PDS5A: variants seen among roughly 807,000 people sequenced by gnomAD.
PDS5A encodes PDS5 cohesin associated factor A, also known as sister chromatid cohesion protein PDS5 homolog A.
A neutral mutation model predicts 167.1 loss-of-function variants in PDS5A; 42 were observed. The ratio of observed to expected loss-of-function variants is 0.25; its 90% CI spans 0.20 to 0.33. The LOEUF is 0.33. Among genes scored for constraint, PDS5A ranks in the 10% least tolerant of loss-of-function variants. PDS5A has a pLI of 1.00. For missense variants in PDS5A, 1,033 were observed against 1,605.9 expected (o/e 0.64, Z 6.10); for synonymous variants, 553 against 554.6 (o/e 1.00, Z 0.04).
intron 32 of PDS5A, among the ~76,000 whole-genome samples, chr4:39,834,008 T>G (rs1199372543): frequency 1.3e-5 from 2 of 152,034 alleles, no homozygotes; most frequent in Non-Finnish European, 1.5e-5. Flanking sequence ...AGAACTGCAA[T>G]AGGAACTGAA....
In PDS5A at chr4:39,913,716, C is replaced by A. The variant is rs2109691626; in HGVS notation, c.887G>T (p.Gly296Val). Residue 296 changes from glycine to valine, a missense_variant, in exon 9 of 33, where the codon GGA (glycine) becomes GTA (valine). Physicochemically the swap from Gly to Val is moderately radical, Grantham distance 109. Coordinates refer to ENST00000303538, the MANE Select transcript of PDS5A (RefSeq NM_001100399.2). ...QLEFKLKSND[G>V]EERLAVVRLL... ...TCGAACAACAGCTAATCGCTCTTCT[C>A]CATCATTGCTCTAAGAAGGGAAAAC... The A allele has an allele frequency of 6.3e-7, 1 of 1,576,098 alleles. No individual in the cohort carries two copies. The highest frequency in any genetic ancestry group is 8.7e-7 in the Non-Finnish European group (1 of 1,145,612).
At chr4:39,963,694 T>C (rs755241816) in intron 2 of PDS5A, among the ~76,000 whole-genome samples, 6 of 151,794 alleles carry the variant, frequency 4.0e-5, no homozygotes, top group Non-Finnish European at 7.4e-5. Flanking sequence ...TAGCCCAGCA[T>C]GGTGGTGCAT....
intron 7 of PDS5A, 64 bp from the exon 8 acceptor site, chr4:39,917,252 T>A: frequency 9.4e-7 from 1 of 1,061,042 alleles, no homozygotes; most frequent in East Asian, 2.9e-5. Context: ...GATACATTTT[T>A]AATAAACATT....
chr4:39,923,505 C>T (rs1473024692), intron 5 of PDS5A, among the ~76,000 whole-genome samples: 1 of 151,512 alleles, frequency 6.6e-6, no homozygotes, highest in African/African-American at 2.4e-5. Context: ...TAAAAATTGG[C>T]CAGCTGAGTA....
At chr4:39,930,381 C>A (rs929732581) in intron 2 of PDS5A, among the ~76,000 whole-genome samples, 6 of 151,010 alleles carry the variant, frequency 4.0e-5, no homozygotes, top group Admixed American at 3.3e-4. Flanking sequence ...GCATAAGCCA[C>A]CATGCCTGGG....
intron 2 of PDS5A, among the ~76,000 whole-genome samples, chr4:39,955,853 A>G (rs1469025923): frequency 6.6e-6 from 1 of 152,066 alleles, no homozygotes; most frequent in East Asian, 1.9e-4. Flanking sequence ...GGTGGTTCAC[A>G]CCTGTAATCA....
chr4:39,863,008 C>G lies in PDS5A; in HGVS notation c.2832G>C (p.Leu944=), dbSNP rs1719127141. 1 of 1,613,554 alleles carries G rather than the reference C, an allele frequency of 6.2e-7. No individual in the cohort carries two copies. Among genetic ancestry groups the G allele is most frequent in the Non-Finnish European group, 8.5e-7 (1 of 1,179,566 alleles). ...QKLHKALVKL[L]LPLEYMAIFA... The stretch of plus-strand genomic sequence containing the variant: ...AGATCGCCATATACTCCAATGGGAG[C>G]AGTAACTTCACAAGTGCCTTATGCA... The change falls in exon 25 of 33, where the codon CTG becomes CTC. Residue 944 remains leucine (L), a synonymous_variant. Coordinates refer to ENST00000303538, the MANE Select transcript of PDS5A (RefSeq NM_001100399.2).
At chr4:39,970,516 T>C (rs966190828) in intron 2 of PDS5A, among the ~76,000 whole-genome samples, 1 of 151,720 alleles carries the variant, frequency 6.6e-6, no homozygotes, top group Non-Finnish European at 1.5e-5. Flanking sequence ...CACATTTCAC[T>C]GTAATGTCTT....
intron 5 of PDS5A, among the ~76,000 whole-genome samples, chr4:39,923,323 G>C (rs1312116190): frequency 8.3e-6 from 1 of 119,930 alleles, no homozygotes; most frequent in Non-Finnish European, 1.7e-5. Context: ...GTGAGACTTT[G>C]TATCAATTAA....
chr4:39,879,210 G>T (rs1167878939), intron 18 of PDS5A, among the ~76,000 whole-genome samples: 4 of 151,842 alleles, frequency 2.6e-5, no homozygotes, highest in African/African-American at 9.7e-5. Context: ...TCTATCAAGG[G>T]CTGCAGCTGG....
At chr4:39,943,823 C>G (rs1727474301) in intron 2 of PDS5A, among the ~76,000 whole-genome samples, 1 of 149,172 alleles carries the variant, frequency 6.7e-6, no homozygotes, top group African/African-American at 2.5e-5. Context: ...CAAACAACAA[C>G]AACAACAAAA....
chr4:39,889,628 A>C (rs935198049), intron 17 of PDS5A, among the ~76,000 whole-genome samples: 2 of 152,272 alleles, frequency 1.3e-5, no homozygotes, highest in Non-Finnish European at 2.9e-5. Flanking sequence ...TGAAATCATG[A>C]GAATACGTAA....
chr4:39,974,395 A>G, intron 2 of PDS5A: 1 of 373,830 alleles, frequency 2.7e-6, no homozygotes, highest in Non-Finnish European at 5.2e-6. Flanking sequence ...CAATATTCTT[A>G]ATTTGAAAAC....
chr4:39,890,408 A>G (rs1477561241), intron 16 of PDS5A, 44 bp from the exon 17 acceptor site: 2 of 1,052,020 alleles, frequency 1.9e-6, no homozygotes, highest in Non-Finnish European at 1.4e-6. Flanking sequence ...ATTTGCTTTC[A>G]TATTTTTGAA....
chr4:39,888,954 G>A (rs1031084322), intron 17 of PDS5A, among the ~76,000 whole-genome samples: 1 of 152,146 alleles, frequency 6.6e-6, no homozygotes, highest in Non-Finnish European at 1.5e-5. Flanking sequence ...ACACTGATTT[G>A]ATCTTCACAA....
intron 31 of PDS5A, among the ~76,000 whole-genome samples, chr4:39,841,103 C>T (rs1303948476): frequency 6.6e-6 from 1 of 152,130 alleles, no homozygotes; most frequent in East Asian, 1.9e-4. Flanking sequence ...GGGCTGATCT[C>T]TGGTGGGAAT....
chr4:39,970,021 T>C (rs929362193), intron 2 of PDS5A, among the ~76,000 whole-genome samples: 4 of 151,432 alleles, frequency 2.6e-5, no homozygotes, highest in Non-Finnish European at 5.9e-5. Context: ...TGCAGTGATG[T>C]GATCTCGGCT....
chr4:39,919,870 CTT>C (rs1050531019), intron 7 of PDS5A, among the ~76,000 whole-genome samples: 8 of 151,224 alleles, frequency 5.3e-5, no homozygotes, highest in African/African-American at 1.9e-4. Flanking sequence ...GTATTTAAAT[CTT>C]TGCCAAAAAC....
chr4:39,899,726 G>A (rs374373999), intron 14 of PDS5A, among the ~76,000 whole-genome samples: 3 of 151,890 alleles, frequency 2.0e-5, no homozygotes, highest in East Asian at 3.9e-4. Context: ...GAGCACACCC[G>A]TAGTCCCAGC....
Sources: gnomAD v4.1 joint callset for allele counts (sites outside exome capture counted in the v4.1 genomes callset) on GRCh38, gnomAD v4.1.1 for gene constraint, MANE v1.5 for transcripts, NCBI Gene and HGNC (gene_info 2026-07-23, HGNC 2026-07-21) for gene names.